Variants in CNDP1 observed in about 807,000 individuals in gnomAD.
The protein encoded by CNDP1 is beta-Ala-His dipeptidase.
Under a neutral mutation model 58.1 loss-of-function variants are expected in CNDP1, and 44 were observed. The observed-to-expected ratio is 0.76, with a 90% CI of 0.60 to 0.97. The LOEUF (loss-of-function observed/expected upper bound fraction) is 0.97. CNDP1 is among the 50% of genes least tolerant of loss of function. CNDP1 has a pLI of 0.00. For missense variants in CNDP1, 616 were observed against 655.1 expected (o/e 0.94, Z 0.65); for synonymous variants, 254 against 252.6 (o/e 1.01, Z -0.05).
At chr18:74,572,526 G>A (rs113340234) in intron 7 of CNDP1, among the ~76,000 whole-genome samples, 5,155 of 152,104 alleles carry the variant, frequency 0.034, 289 homozygotes, top group African/African-American at 0.12. Context: ...GGTCACTCAC[G>A]CCTGCAATCC....
intron 4 of CNDP1, 124 bp downstream of exon 4, chr18:74,561,142 C>G: frequency 8.5e-7 from 1 of 1,178,822 alleles, no homozygotes; most frequent in Non-Finnish European, 1.2e-6. Flanking sequence ...AGGCCGGGTG[C>G]GGTGGCTCAC....
intron 1 of CNDP1, among the ~76,000 whole-genome samples, chr18:74,540,079 C>A (rs998558899): frequency 6.6e-6 from 1 of 152,086 alleles, no homozygotes; most frequent in African/African-American, 2.4e-5. Flanking sequence ...CATATTGTCC[C>A]ATAAAAATAG....
rs1167663107 is a variant in CNDP1, at chr18:74,534,572, T to A, written c.-96T>A. On this transcript the variant is annotated 5_prime_UTR_variant, in exon 1 of 12. Coordinates refer to ENST00000358821, the MANE Select transcript of CNDP1 (RefSeq NM_032649.6). ...CAACGTGGGTCAGGGCACAGAGAGA[T>A]ATTTAATGTCACCCTCTTGGGGCTT... 2.3e-6 allele frequency: 3 copies of A among 1,293,098 alleles called. No individual in the cohort carries two copies. Among genetic ancestry groups the A allele is most frequent in the Non-Finnish European group, 3.4e-6 (3 of 893,178 alleles). 80.1% of individuals were successfully genotyped at this position (1,293,098 alleles called of 1,614,324 possible). A position where few individuals can be genotyped will look rare whatever the true frequency, so the allele number is the denominator to read the frequency against.
At position 74,585,568 on chromosome 18, in the gene CNDP1, A is replaced by AG. The variant is rs1981889912; in HGVS notation, c.*1006_*1007insG. On this transcript the variant is annotated 3_prime_UTR_variant, in exon 12 of 12. Transcript: ENST00000358821. ...GGATTTGACGGTGTAAACAACAAAA[A>AG]AAGACAGTCATTTTTCTACAGTTGA... 6.6e-6 allele frequency: 1 copy of AG among 151,958 alleles called. No homozygotes were observed. Among genetic ancestry groups the AG allele is most frequent in the African/African-American group, 2.4e-5 (1 of 41,346 alleles). 9.4% of individuals were successfully genotyped at this position (151,958 alleles called of 1,614,324 possible).
intron 5 of CNDP1, among the ~76,000 whole-genome samples, chr18:74,565,097 C>T (rs545011708): frequency 6.6e-6 from 1 of 152,284 alleles, no homozygotes; most frequent in Non-Finnish European, 1.5e-5. Flanking sequence ...AAAGCAAAAG[C>T]TGAAACCCCT....
intron 10 of CNDP1, among the ~76,000 whole-genome samples, chr18:74,582,423 T>A (rs1009276182): frequency 2.6e-5 from 4 of 152,220 alleles, no homozygotes; most frequent in African/African-American, 9.6e-5. Flanking sequence ...AAAACTATTT[T>A]GTGCAATACT....
intron 6 of CNDP1, among the ~76,000 whole-genome samples, chr18:74,570,243 A>AATT (rs56252024): frequency 0.053 from 898 of 16,938 alleles, 10 homozygotes; most frequent in African/African-American, 0.25. Context: ...ATAAATAATT[A>AATT]AAAAAAAAGA....
At chr18:74,574,302 T>C (rs1371286200) in intron 7 of CNDP1, among the ~76,000 whole-genome samples, 4 of 152,366 alleles carry the variant, frequency 2.6e-5, no homozygotes, top group East Asian at 3.9e-4. Context: ...GTTAGTTCCC[T>C]GTCTGAAAAG....
At chr18:74,568,425 G>A (rs1462850436) in intron 6 of CNDP1, among the ~76,000 whole-genome samples, 1 of 152,182 alleles carries the variant, frequency 6.6e-6, no homozygotes, top group East Asian at 1.9e-4. Context: ...AGGAAGCAGG[G>A]ACTGTCCTCT....
At chr18:74,581,287 C>T (rs569532883) in intron 10 of CNDP1, among the ~76,000 whole-genome samples, 75 of 148,004 alleles carry the variant, frequency 5.1e-4, no homozygotes, top group Non-Finnish European at 9.8e-4. Context: ...TTTGCTTGGA[C>T]GTTGGACGGA....
intron 11 of CNDP1, 159 bp from the exon 12 acceptor site, chr18:74,584,337 C>G: frequency 1.7e-6 from 1 of 599,226 alleles, no homozygotes; most frequent in South Asian, 2.1e-5. Flanking sequence ...TCACATGGAA[C>G]TTACTAAGTG....
chr18:74,559,393 T>A lies in CNDP1; in HGVS notation c.224T>A (p.Phe75Tyr). 6.2e-7 allele frequency: 1 copy of A among 1,613,716 alleles called. No individual in the cohort carries two copies. The highest frequency in any genetic ancestry group is 8.5e-7 in the Non-Finnish European group (1 of 1,179,944). ...QPVPRFRQEL[F>Y]RMMAVAADTL... The stretch of plus-strand genomic sequence containing the variant: ...GTGCCTCGCTTCAGACAAGAGCTCT[T>A]CAGAATGATGGCCGTGGCTGCGGAC... Residue 75 changes from phenylalanine (F) to tyrosine (Y), a missense_variant, in exon 3 of 12, where the codon TTC becomes TAC. By Grantham distance (22) the Phe-to-Tyr change is conservative. Coordinates refer to ENST00000358821, the MANE Select transcript of CNDP1 (RefSeq NM_032649.6).
chr18:74,555,236 C>T (rs1342370288), intron 1 of CNDP1, among the ~76,000 whole-genome samples: 1 of 152,158 alleles, frequency 6.6e-6, no homozygotes, highest in Non-Finnish European at 1.5e-5. Context: ...TCCCCTCCTT[C>T]CTCCTGCTGC....
rs552023766 is a variant in CNDP1, at chr18:74,574,101, G to A, written c.842-2768G>A. ...GTCAGGTGAGAGTCGGCTGTGCTGT[G>A]TCCACTCCTGCAGGCTGACAAGCAG... On this transcript the variant is annotated intron_variant, in intron 7 of 11. Transcript: ENST00000358821. Among the ~76,000 whole-genome samples the A allele has an allele frequency of 4.6e-5, 7 of 152,316 alleles. No individual in the cohort carries two copies. The East Asian group carries it at 9.6e-4, about 21-fold the overall frequency.
At position 74,534,687 on chromosome 18, in the gene CNDP1, G is replaced by A; in HGVS notation, c.20G>A (p.Arg7Lys). 6.2e-7 allele frequency: 1 copy of A among 1,614,116 alleles called. No homozygotes were observed. The highest frequency in any genetic ancestry group is 1.3e-5 in the African/African-American group (1 of 75,032). MDPKLG[R>K]MAASLLAVLL... Reference sequence around the variant, plus strand: ...AGCCTAATGGATCCCAAACTCGGGAGAATGGTGAGTAGGACCTCCTCCATC... The same window carrying A: ...AGCCTAATGGATCCCAAACTCGGGAAAATGGTGAGTAGGACCTCCTCCATC... The change falls in exon 1 of 12, where the codon AGA (arginine) becomes AAA (lysine). Residue 7 changes from arginine (R) to lysine (K), a missense_variant. Coordinates refer to ENST00000358821, the MANE Select transcript of CNDP1 (RefSeq NM_032649.6).
At chr18:74,540,181 G>A (rs979320419) in intron 1 of CNDP1, among the ~76,000 whole-genome samples, 29 of 145,590 alleles carry the variant, frequency 2.0e-4, no homozygotes, top group African/African-American at 2.3e-4. Context: ...TTTTTGAGAC[G>A]GAGTCTGGCT....
At chr18:74,548,454 A>G (rs1317749379) in intron 1 of CNDP1, among the ~76,000 whole-genome samples, 1 of 152,180 alleles carries the variant, frequency 6.6e-6, no homozygotes, top group Non-Finnish European at 1.5e-5. Flanking sequence ...CCAGAAGCTG[A>G]GCAGATGCCG....
At chr18:74,579,844 G>C (rs1333418436) in intron 9 of CNDP1, among the ~76,000 whole-genome samples, 2 of 152,210 alleles carry the variant, frequency 1.3e-5, no homozygotes, top group African/African-American at 2.4e-5. Context: ...GTGGTTGGAA[G>C]GGGGTGGGCC....
rs1981041416 is a variant in CNDP1 at position 74,556,395 on chromosome 18, C to T, written c.82C>T (p.Pro28Ser). ...GCTGGAGCGCGGCATGTTCTCCTCA[C>T]CCTCCCCGCCCCCGGCGCTGTTAGA... ...LLLERGMFSS[P>S]SPPPALLEKV... is the part of the protein sequence containing the mutation. The change falls in exon 2 of 12, where the codon CCC becomes TCC. Residue 28 changes from proline (P) to serine (S), a missense_variant. Coordinates refer to ENST00000358821, the MANE Select transcript of CNDP1 (RefSeq NM_032649.6). The T allele has an allele frequency of 6.2e-7, 1 of 1,614,010 alleles. No individual in the cohort carries two copies.
Sources: gnomAD v4.1 joint callset for allele counts (sites outside exome capture counted in the v4.1 genomes callset) on GRCh38, gnomAD v4.1.1 for gene constraint, MANE v1.5 for transcripts, NCBI Gene and HGNC (gene_info 2026-07-23, HGNC 2026-07-21) for gene names.